The following C3orf70 variants were observed in gnomAD, a reference collection of about 807,000 sequenced individuals.
The protein encoded by C3orf70 is chromosome 3 open reading frame 70, also known as UPF0524 protein C3orf70.
A neutral mutation model predicts 20.7 loss-of-function variants in C3orf70; 15 were observed. That is an observed-to-expected ratio of 0.72 (90% confidence interval 0.48 to 1.11). The LOEUF is 1.11. C3orf70 is among the 50% of genes most tolerant of loss of function. The pLI is 0.00. For missense variants in C3orf70, 332 were observed against 317.6 expected (o/e 1.05, Z -0.34); for synonymous variants, 161 against 125.7 (o/e 1.28, Z -1.88).
rs1715591883 is a variant in C3orf70 at position 185,091,942 on chromosome 3, TA to T, written c.197-8380del. Among the ~76,000 whole-genome samples the T allele has an allele frequency of 1.0e-3, 5 of 4,768 alleles. 1 individual carries two copies. The highest frequency in any genetic ancestry group is 6.6e-3 in the South Asian group (1 of 152). 3.1% of individuals were successfully genotyped at this position (4,768 alleles called of 152,430 possible). A position where few individuals can be genotyped will look rare whatever the true frequency, so the allele number is the denominator to read the frequency against. On this transcript the variant is annotated intron_variant, in intron 1 of 1. Coordinates refer to ENST00000335012, the MANE Select transcript of C3orf70 (RefSeq NM_001025266.3). Reference sequence around the variant, plus strand: ...ATATATATATATATATATATATATATATATATATATATATATATATATTTTT... The same window carrying T: ...ATATATATATATATATATATATATATTATATATATATATATATATATTTTT...
rs1371379144 is a variant in C3orf70, at chr3:185,078,229, T to A, written c.*4778A>T. ...TAGTTTTTAAAAATAGCAGAGTAAG[T>A]GAATATTGCCAGGTATGAACAGCCT... On this transcript the variant is annotated 3_prime_UTR_variant, in exon 2 of 2. Coordinates refer to ENST00000335012, the MANE Select transcript of C3orf70 (RefSeq NM_001025266.3). 6.6e-6 allele frequency: 1 copy of A among 152,596 alleles called. No individual in the cohort carries two copies. The highest frequency in any genetic ancestry group is 1.5e-5 in the Non-Finnish European group (1 of 68,034). 9.5% of individuals were successfully genotyped at this position (152,596 alleles called of 1,614,324 possible).
intron 1 of C3orf70, among the ~76,000 whole-genome samples, chr3:185,120,033 A>AAAAAAAAAAAAAAAAG (rs55921240): frequency 9.9e-5 from 10 of 100,708 alleles, no homozygotes; most frequent in Admixed American, 1.2e-4. Context: ...AAAAAAAAAA[A>AAAAAAAAAAAAAAAAG]AAAAAGAAAA....
In C3orf70 at chr3:185,083,557, T is replaced by A; in HGVS notation, c.203A>T (p.Tyr68Phe). 1 of 1,582,432 alleles carries A rather than the reference T, an allele frequency of 6.3e-7. No homozygotes were observed. Among genetic ancestry groups the A allele is most frequent in the Non-Finnish European group, 8.6e-7 (1 of 1,165,270 alleles). Residue 68 changes from tyrosine to phenylalanine, a missense_variant, in exon 2 of 2, where the codon TAC becomes TTC. Coordinates refer to ENST00000335012, the MANE Select transcript of C3orf70 (RefSeq NM_001025266.3). ...CCHLGWCHCK[Y>F]MYQPMTPVEQ... ...CACAGGGGTCATAGGCTGATACATG[T>A]ATTTGCCTGTGAAGACACAAAAAGA...
chr3:185,131,397 A>G (rs1716520018), intron 1 of C3orf70, among the ~76,000 whole-genome samples: 1 of 152,206 alleles, frequency 6.6e-6, no homozygotes, highest in Non-Finnish European at 1.5e-5. Context: ...TTGTTATAAT[A>G]GAGTTTGCCT....
intron 1 of C3orf70, among the ~76,000 whole-genome samples, chr3:185,120,328 A>G (rs1029654705): frequency 6.6e-6 from 1 of 152,206 alleles, no homozygotes; most frequent in Non-Finnish European, 1.5e-5. Flanking sequence ...GACGGACAAG[A>G]TTCCTTTACC....
chr3:185,087,954 C>T (rs1715491427), intron 1 of C3orf70, among the ~76,000 whole-genome samples: 1 of 148,786 alleles, frequency 6.7e-6, no homozygotes, highest in South Asian at 2.1e-4. Context: ...CTCTGCTGCG[C>T]AGGCTGGAGG....
intron 1 of C3orf70, among the ~76,000 whole-genome samples, chr3:185,143,929 C>T (rs1306806612): frequency 6.6e-6 from 1 of 151,432 alleles, no homozygotes; most frequent in African/African-American, 2.4e-5. Context: ...TGGAGGAAAA[C>T]AGGATGAAGC....
intron 1 of C3orf70, among the ~76,000 whole-genome samples, chr3:185,105,986 A>G (rs1479450635): frequency 1.3e-5 from 2 of 152,328 alleles, no homozygotes; most frequent in African/African-American, 4.8e-5. Context: ...TACCAGCTAA[A>G]GTGGCAAAGG....
chr3:185,106,748 G>A (rs1370499606), intron 1 of C3orf70, among the ~76,000 whole-genome samples: 5 of 152,188 alleles, frequency 3.3e-5, no homozygotes, highest in Non-Finnish European at 7.3e-5. Flanking sequence ...CCTTCTGCCT[G>A]GGGAACCCCC....
At chr3:185,130,450 A>G (rs1404546973) in intron 1 of C3orf70, among the ~76,000 whole-genome samples, 1 of 152,194 alleles carries the variant, frequency 6.6e-6, no homozygotes, top group African/African-American at 2.4e-5. Context: ...TATTCTTCAT[A>G]TAATTTTTAT....
At chr3:185,131,665 A>T (rs561723271) in intron 1 of C3orf70, among the ~76,000 whole-genome samples, 161 of 152,350 alleles carry the variant, frequency 1.1e-3, no homozygotes, top group African/African-American at 3.7e-3. Context: ...TACATTGATG[A>T]ACTGACAAAA....
At chr3:185,148,808 C>T (rs575656430) in intron 1 of C3orf70, among the ~76,000 whole-genome samples, 38 of 152,288 alleles carry the variant, frequency 2.5e-4, no homozygotes, top group African/African-American at 7.0e-4. Context: ...AAAAATGCGC[C>T]ATTACCCAAA....
chr3:185,139,813 A>C (rs1018891914), intron 1 of C3orf70, among the ~76,000 whole-genome samples: 1 of 152,228 alleles, frequency 6.6e-6, no homozygotes, highest in Non-Finnish European at 1.5e-5. Context: ...GCCACACCTT[A>C]TAAAAAATTA....
chr3:185,138,108 C>T (rs1716664416), intron 1 of C3orf70, among the ~76,000 whole-genome samples: 1 of 152,108 alleles, frequency 6.6e-6, no homozygotes, highest in African/African-American at 2.4e-5. Context: ...TAAGGAACTA[C>T]TATTAACAAC....
intron 1 of C3orf70, among the ~76,000 whole-genome samples, chr3:185,134,116 C>CAT (rs1553921592): frequency 6.7e-5 from 9 of 134,670 alleles, no homozygotes; most frequent in African/African-American, 1.1e-4. Context: ...AAAAATACAT[C>CAT]ATATATATAT....
chr3:185,145,699 C>G lies in C3orf70; in HGVS notation c.196+6929G>C, dbSNP rs77174740. Reference sequence around the variant, plus strand: ...GATTTTGATATACATTTGCCACAGGCAGCTAGGGGTACTACGCGTGACCTT... The same window carrying G: ...GATTTTGATATACATTTGCCACAGGGAGCTAGGGGTACTACGCGTGACCTT... On this transcript the variant is annotated intron_variant, in intron 1 of 1. Coordinates refer to ENST00000335012, the MANE Select transcript of C3orf70 (RefSeq NM_001025266.3). Among the ~76,000 whole-genome samples the G allele has an allele frequency of 2.2e-3, 329 of 152,312 alleles. 1 individual carries two copies. Among genetic ancestry groups the G allele is most frequent in the African/African-American group, 7.7e-3 (318 of 41,568 alleles).
chr3:185,149,789 G>A (rs981847989), intron 1 of C3orf70, among the ~76,000 whole-genome samples: 4 of 152,242 alleles, frequency 2.6e-5, no homozygotes, highest in Admixed American at 1.3e-4. Flanking sequence ...AGTGGAGGAA[G>A]TGTGGAGAAC....
rs1717027402 is a variant in C3orf70, at chr3:185,152,922, C to T, written c.-99G>A. 3 of 1,208,182 alleles carry T rather than the reference C, an allele frequency of 2.5e-6. No homozygotes were observed. Among genetic ancestry groups the T allele is most frequent in the Admixed American group, 3.6e-5 (1 of 27,566 alleles). 74.8% of individuals were successfully genotyped at this position (1,208,182 alleles called of 1,614,324 possible). The stretch of plus-strand genomic sequence containing the variant: ...CGGCTGCGGACGCGGGAGGGCGCGG[C>T]ACGGGCCGGGAGTCACGCCAGCACG... On this transcript the variant is annotated 5_prime_UTR_variant, in exon 1 of 2. Coordinates refer to ENST00000335012, the MANE Select transcript of C3orf70 (RefSeq NM_001025266.3).
intron 1 of C3orf70, among the ~76,000 whole-genome samples, chr3:185,136,616 C>T (rs1320249761): frequency 1.4e-5 from 2 of 146,118 alleles, no homozygotes; most frequent in Non-Finnish European, 2.9e-5. Context: ...CCCAGCTACT[C>T]GGGAGGCTGA....
Sources: allele counts gnomAD v4.1 joint callset (sites outside exome capture counted in the v4.1 genomes callset), GRCh38; gene constraint gnomAD v4.1.1; transcripts MANE v1.5; gene names NCBI Gene and HGNC (gene_info 2026-07-23, HGNC 2026-07-21).